Variants in HTR1F observed in about 807,000 individuals in gnomAD.
HTR1F encodes the protein 5-hydroxytryptamine receptor 1F, also known as 5-hydroxytryptamine (serotonin) receptor 1F, G protein-coupled.
A neutral mutation model predicts 24.0 loss-of-function variants in HTR1F; 17 were observed. The ratio of observed to expected loss-of-function variants is 0.71; its 90% CI spans 0.48 to 1.06. The LOEUF is 1.06. HTR1F is among the 50% of genes least tolerant of loss of function. The pLI is 0.00. For synonymous variants in HTR1F, 186 were observed against 156.8 expected, an observed-to-expected ratio of 1.19 and a Z score of -1.39; for missense variants, 391 against 427.8, an observed-to-expected ratio of 0.91 and a Z score of 0.76.
chr3:87,878,377 T>A (rs1028523101), intron 2 of HTR1F, among the ~76,000 whole-genome samples: 1 of 152,182 alleles, frequency 6.6e-6, no homozygotes, highest in Non-Finnish European at 1.5e-5. Flanking sequence ...CTAAATCATT[T>A]TATGTATGTG....
chr3:87,887,474 T>G (rs1036547750), intron 2 of HTR1F, among the ~76,000 whole-genome samples: 21 of 152,080 alleles, frequency 1.4e-4, no homozygotes, highest in Admixed American at 1.3e-3. Flanking sequence ...AATTGACAAA[T>G]GGGATCTAAT....
intron 2 of HTR1F, among the ~76,000 whole-genome samples, chr3:87,848,560 C>A (rs1409968281): frequency 6.6e-6 from 1 of 151,604 alleles, no homozygotes; most frequent in Non-Finnish European, 1.5e-5. Context: ...GATGCATTTT[C>A]TTTATATAAA....
chr3:87,894,037 TG>T (rs549912663), intron 2 of HTR1F, among the ~76,000 whole-genome samples: 174 of 152,118 alleles, frequency 1.1e-3, no homozygotes, highest in African/African-American at 4.0e-3. Context: ...CCATAGGTTT[TG>T]GGGGGAACAG....
chr3:87,903,673 G>C (rs1162984369), intron 2 of HTR1F, among the ~76,000 whole-genome samples: 12 of 151,898 alleles, frequency 7.9e-5, no homozygotes, highest in African/African-American at 2.7e-4. Flanking sequence ...TTACACTGTT[G>C]GTGGGACTGT....
intron 2 of HTR1F, among the ~76,000 whole-genome samples, chr3:87,837,613 A>G (rs535368421): frequency 7.9e-5 from 12 of 152,138 alleles, no homozygotes; most frequent in Non-Finnish European, 1.3e-4. Context: ...GAAAACAAAA[A>G]ATGTCCTCCA....
intron 2 of HTR1F, among the ~76,000 whole-genome samples, chr3:87,959,082 G>A (rs370619848): frequency 4.6e-5 from 7 of 151,744 alleles, no homozygotes; most frequent in Admixed American, 2.6e-4. Context: ...ATTTACTTGA[G>A]TTACATATCT....
intron 2 of HTR1F, among the ~76,000 whole-genome samples, chr3:87,847,308 T>C (rs1007775063): frequency 1.3e-5 from 2 of 151,912 alleles, no homozygotes; most frequent in African/African-American, 4.8e-5. Context: ...TTTGACAATA[T>C]ATATCAATTA....
chr3:87,944,893 C>G (rs1158791850), intron 2 of HTR1F, among the ~76,000 whole-genome samples: 2 of 152,182 alleles, frequency 1.3e-5, no homozygotes, highest in East Asian at 3.9e-4. Flanking sequence ...TGTTTTCAGG[C>G]TATGCCGTTG....
intron 1 of HTR1F, among the ~76,000 whole-genome samples, chr3:87,799,879 C>A (rs1320381582): frequency 6.6e-6 from 1 of 152,116 alleles, no homozygotes; most frequent in African/African-American, 2.4e-5. Context: ...CATAATTAAA[C>A]TCATCTTTCT....
chr3:87,823,484 A>C (rs1704399764), intron 2 of HTR1F, among the ~76,000 whole-genome samples: 1 of 148,970 alleles, frequency 6.7e-6, no homozygotes. Context: ...CTTTATCCAT[A>C]TCTCCACTCA....
At chr3:87,798,400 A>G (rs1431048275) in intron 1 of HTR1F, among the ~76,000 whole-genome samples, 2 of 152,022 alleles carry the variant, frequency 1.3e-5, no homozygotes, top group African/African-American at 2.4e-5. Context: ...TGCTTCATAA[A>G]CAATTCTTTT....
At chr3:87,823,397 CTTCGTAGTTCATCTTCCTT>C (rs1245004892) in intron 2 of HTR1F, among the ~76,000 whole-genome samples, 14 of 152,296 alleles carry the variant, frequency 9.2e-5, no homozygotes, top group South Asian at 2.1e-4. Flanking sequence ...GCAAAGTCTA[CTTCGTAGTTCATCTTCCTT>C]TTCAAGACCT....
chr3:87,809,755 G>A (rs1012817595), intron 1 of HTR1F, among the ~76,000 whole-genome samples: 36 of 151,908 alleles, frequency 2.4e-4, no homozygotes, highest in African/African-American at 7.7e-4. Flanking sequence ...TTGATTTGGG[G>A]GCACTTAAAA....
rs745971003 is a variant in HTR1F at position 87,991,383 on chromosome 3, T to A, written c.634T>A (p.Tyr212Asn). Residue 212 changes from tyrosine (Y) to asparagine (N), a missense_variant, in exon 3 of 3, where the codon TAC becomes AAC. Tyr to Asn is a moderately radical substitution (Grantham distance 143). Transcript: ENST00000319595. Reference protein sequence around the residue: ...YKIYRAAKTLYHKRQASRIAK... With the variant: ...YKIYRAAKTLNHKRQASRIAK... ...AATATATAGAGCAGCAAAGACATTA[T>A]ACCACAAGAGACAAGCAAGTAGGAT... 3 of 1,613,992 alleles carry A rather than the reference T, an allele frequency of 1.9e-6. No individual in the cohort carries two copies. The highest frequency in any genetic ancestry group is 1.7e-6 in the Non-Finnish European group (2 of 1,179,984).
At chr3:87,821,453 T>C (rs1185022644) in intron 1 of HTR1F, among the ~76,000 whole-genome samples, 3 of 152,196 alleles carry the variant, frequency 2.0e-5, no homozygotes. Flanking sequence ...CCACAAAACA[T>C]AGAAAGTAGC....
chr3:87,949,548 C>T (rs1337181243), intron 2 of HTR1F, among the ~76,000 whole-genome samples: 1 of 152,150 alleles, frequency 6.6e-6, no homozygotes, highest in Non-Finnish European at 1.5e-5. Context: ...CAAAGAAAAG[C>T]CACAATTATC....
At position 87,992,028 on chromosome 3, in the gene HTR1F, A is replaced by T; in HGVS notation, c.*178A>T. The T allele has an allele frequency of 2.3e-6, 1 of 434,438 alleles. No individual in the cohort carries two copies. Among genetic ancestry groups the T allele is most frequent in the Non-Finnish European group, 4.1e-6 (1 of 244,742 alleles). 26.9% of individuals were successfully genotyped at this position (434,438 alleles called of 1,614,324 possible). On this transcript the variant is annotated 3_prime_UTR_variant, in exon 3 of 3. Coordinates refer to ENST00000319595, the MANE Select transcript of HTR1F (RefSeq NM_001322209.2). ...AATATAAAAGTTATTGATCACCACT[A>T]TTCTAGGGTATTCAAAATTAGAAAA...
intron 1 of HTR1F, among the ~76,000 whole-genome samples, chr3:87,795,489 T>C (rs1703888793): frequency 6.6e-6 from 1 of 152,196 alleles, no homozygotes; most frequent in Non-Finnish European, 1.5e-5. Flanking sequence ...GATTCTCTTT[T>C]TTTTCCAATA....
chr3:87,985,351 A>G (rs1185181577), intron 2 of HTR1F, among the ~76,000 whole-genome samples: 2 of 152,116 alleles, frequency 1.3e-5, no homozygotes, highest in Admixed American at 1.3e-4. Context: ...AAAAAAAAGC[A>G]AAGAAAAAGT....
Sources: allele counts gnomAD v4.1 joint callset (sites outside exome capture counted in the v4.1 genomes callset), GRCh38; gene constraint gnomAD v4.1.1; transcripts MANE v1.5; gene names NCBI Gene and HGNC (gene_info 2026-07-23, HGNC 2026-07-21).